Variants in RBM33 observed in about 807,000 individuals in gnomAD.
The protein encoded by RBM33 is RNA binding motif protein 33.
A neutral mutation model predicts 132.6 loss-of-function variants in RBM33; 28 were observed. The ratio of observed to expected loss-of-function variants is 0.21; its 90% CI spans 0.16 to 0.29. RBM33 has a LOEUF of 0.29. Ranked by LOEUF, RBM33 falls within the 10% of genes least tolerant of loss-of-function variation. The pLI is 1.00. For missense variants in RBM33, 1,291 were observed against 1,518.5 expected, an observed-to-expected ratio of 0.85 and a Z score of 2.49; for synonymous variants, 634 against 593.0, an observed-to-expected ratio of 1.07 and a Z score of -1.01.
intron 14 of RBM33, among the ~76,000 whole-genome samples, chr7:155,751,947 C>G (rs1171018995): frequency 1.3e-5 from 2 of 152,172 alleles, no homozygotes; most frequent in African/African-American, 4.8e-5. Context: ...TGATAATTTA[C>G]ACTTCTCCTT....
At chr7:155,743,900 G>T (rs1026983377) in intron 13 of RBM33, among the ~76,000 whole-genome samples, 1 of 152,076 alleles carries the variant, frequency 6.6e-6, no homozygotes, top group African/African-American at 2.4e-5. Flanking sequence ...CCCCCTGGAC[G>T]CCATGTCTTG....
chr7:155,669,755 G>A (rs1233124165), intron 2 of RBM33, among the ~76,000 whole-genome samples: 1 of 152,176 alleles, frequency 6.6e-6, no homozygotes, highest in Non-Finnish European at 1.5e-5. Context: ...TTCCTGCCCC[G>A]GCCTTGTGGG....
chr7:155,648,179 C>T (rs1422802984), intron 1 of RBM33, among the ~76,000 whole-genome samples: 1 of 152,196 alleles, frequency 6.6e-6, no homozygotes, highest in South Asian at 2.1e-4. Context: ...CACCTAGCAT[C>T]AACATTCTGG....
intron 16 of RBM33, among the ~76,000 whole-genome samples, chr7:155,771,856 CA>C (rs58291724): frequency 0.013 from 2,027 of 152,282 alleles, 50 homozygotes; most frequent in African/African-American, 0.046. Flanking sequence ...CCTTCCGCCT[CA>C]GCCTTCTGAG....
In RBM33 at chr7:155,718,405, A is replaced by G; in HGVS notation, c.1222A>G (p.Ser408Gly). The change falls in exon 9 of 18, where the codon AGC (serine) becomes GGC (glycine). Residue 408 changes from serine (S) to glycine (G), a missense_variant. This residue lies in a region of RBM33 where 841 missense variants were observed against 912.0 expected (regional missense o/e 0.92). Coordinates refer to ENST00000401878, the MANE Select transcript of RBM33 (RefSeq NM_053043.3). ...TGCAGTGCCCTTGCTACCAGTTCCGAGCCAGCCGAGACCTGCCGTGGGACC... is the reference window on the plus strand; with the variant it reads ...TGCAGTGCCCTTGCTACCAGTTCCGGGCCAGCCGAGACCTGCCGTGGGACC... ...PVQVPLLPVP[S>G]QPRPAVGPQR... The G allele has an allele frequency of 6.2e-7, 1 of 1,613,930 alleles. No homozygotes were observed. The highest frequency in any genetic ancestry group is 1.1e-5 in the South Asian group (1 of 91,072).
chr7:155,743,417 C>G (rs10275919), intron 13 of RBM33, among the ~76,000 whole-genome samples: 35,440 of 152,198 alleles, frequency 0.23, 4,302 homozygotes, highest in East Asian at 0.31. Context: ...CTGGCGATCA[C>G]TTCCTTCCAT....
intron 1 of RBM33, among the ~76,000 whole-genome samples, chr7:155,664,519 G>A (rs1202907678): frequency 6.6e-6 from 1 of 151,558 alleles, no homozygotes; most frequent in African/African-American, 2.4e-5. Flanking sequence ...TGATCCATCC[G>A]CTTCGGCCTC....
At chr7:155,657,679 C>G (rs1335431195) in intron 1 of RBM33, among the ~76,000 whole-genome samples, 1 of 152,092 alleles carries the variant, frequency 6.6e-6, no homozygotes, top group Non-Finnish European at 1.5e-5. Context: ...AGTGGATGCT[C>G]TAATTAATTA....
intron 9 of RBM33, among the ~76,000 whole-genome samples, chr7:155,737,090 G>C (rs1275401657): frequency 1.3e-5 from 2 of 152,164 alleles, no homozygotes; most frequent in African/African-American, 4.8e-5. Context: ...ACCTTTTCTA[G>C]GGTTGGATAT....
chr7:155,741,058 A>G (rs994123425), intron 12 of RBM33, among the ~76,000 whole-genome samples: 1 of 152,202 alleles, frequency 6.6e-6, no homozygotes. Flanking sequence ...TAAAGTAAAC[A>G]TTGCAACTAA....
At chr7:155,683,371 C>T (rs1799388454) in intron 5 of RBM33, among the ~76,000 whole-genome samples, 1 of 152,160 alleles carries the variant, frequency 6.6e-6, no homozygotes, top group African/African-American at 2.4e-5. Flanking sequence ...TCTCTGTGTA[C>T]CCCAATGGCA....
intron 3 of RBM33, among the ~76,000 whole-genome samples, chr7:155,675,084 A>T (rs1294048605): frequency 6.6e-6 from 1 of 152,100 alleles, no homozygotes; most frequent in African/African-American, 2.4e-5. Context: ...AGGCAGGTGG[A>T]CCACTTGAGG....
chr7:155,738,503 G>T (rs1801205886), intron 11 of RBM33, 100 bp downstream of exon 11: 2 of 1,170,544 alleles, frequency 1.7e-6, no homozygotes, highest in Non-Finnish European at 1.2e-6. Flanking sequence ...CTAATTTGTG[G>T]TTATTTAAAG....
At chr7:155,659,072 A>T (rs1798570842) in intron 1 of RBM33, among the ~76,000 whole-genome samples, 1 of 152,188 alleles carries the variant, frequency 6.6e-6, no homozygotes, top group African/African-American at 2.4e-5. Flanking sequence ...AAAGCCATTA[A>T]ACAAATGGAC....
At chr7:155,654,635 T>C (rs7810467) in intron 1 of RBM33, among the ~76,000 whole-genome samples, 112,510 of 152,046 alleles carry the variant, frequency 0.74, 41,886 homozygotes, top group South Asian at 0.79. Context: ...AAAATGTAGT[T>C]ATTCTCAGCC....
At chr7:155,656,525 T>C (rs1182934536) in intron 1 of RBM33, among the ~76,000 whole-genome samples, 1 of 152,250 alleles carries the variant, frequency 6.6e-6, no homozygotes, top group African/African-American at 2.4e-5. Context: ...ACGTATTTAT[T>C]TGGAGTCAGA....
intron 9 of RBM33, among the ~76,000 whole-genome samples, chr7:155,720,002 G>T (rs1800572634): frequency 6.6e-6 from 1 of 152,172 alleles, no homozygotes; most frequent in South Asian, 2.1e-4. Context: ...AGAATACTTT[G>T]CCGCTATTAG....
At chr7:155,694,146 A>G (rs1372008336) in intron 5 of RBM33, among the ~76,000 whole-genome samples, 1 of 152,218 alleles carries the variant, frequency 6.6e-6, no homozygotes, top group Non-Finnish European at 1.5e-5. Context: ...AATCTTAATT[A>G]TAGAACTTAA....
intron 1 of RBM33, among the ~76,000 whole-genome samples, chr7:155,646,414 T>C (rs1798195235): frequency 6.6e-6 from 1 of 152,230 alleles, no homozygotes; most frequent in African/African-American, 2.4e-5. Flanking sequence ...TTCATGATGC[T>C]TTGGAGTTTT....
Sources: allele counts gnomAD v4.1 joint callset (sites outside exome capture counted in the v4.1 genomes callset), GRCh38; gene constraint gnomAD v4.1.1; regional missense constraint gnomAD v4.1.1; transcripts MANE v1.5; gene names NCBI Gene and HGNC (gene_info 2026-07-23, HGNC 2026-07-21).